ITCH: variants seen among roughly 807,000 people sequenced by gnomAD.
The protein encoded by ITCH is E3 ubiquitin-protein ligase Itchy homolog.
Under a neutral mutation model 126.8 loss-of-function variants are expected in ITCH, and 28 were observed. That is an observed-to-expected ratio of 0.22 (90% CI 0.16 to 0.30). ITCH has a LOEUF of 0.30. Ranked by LOEUF, ITCH falls within the 10% of genes least tolerant of loss-of-function variation. The pLI is 1.00. For synonymous variants in ITCH, 342 were observed against 340.0 expected (o/e 1.01, Z -0.06); for missense variants, 631 against 1,032.4 (o/e 0.61, Z 5.33).
At chr20:34,458,432 G>A (rs1001956385) in intron 13 of ITCH, among the ~76,000 whole-genome samples, 1 of 152,194 alleles carries the variant, frequency 6.6e-6, no homozygotes, top group Non-Finnish European at 1.5e-5. Context: ...CTCCTGAGTA[G>A]CTGGGATTAC....
intron 12 of ITCH, among the ~76,000 whole-genome samples, chr20:34,455,546 T>G (rs1985805132): frequency 6.6e-6 from 1 of 151,322 alleles, no homozygotes; most frequent in African/African-American, 2.4e-5. Flanking sequence ...CACTGTAACC[T>G]CTGCGTCCCG....
At position 34,479,881 on chromosome 20, in the gene ITCH, G is replaced by T. The variant is rs182215588; in HGVS notation, c.1818+92G>T. ...CATAACAGATCATATGAGAGAAAGG[G>T]AAGTGGTTTTTTGTTTTGTTTTGTT... is the stretch of plus-strand genomic sequence containing the variant. On this transcript the variant is annotated intron_variant, in intron 18 of 24. Transcript: ENST00000374864. 8.8e-4 allele frequency: 1,033 copies of T among 1,173,358 alleles called. 2 individuals are homozygous for T. Among genetic ancestry groups the T allele is most frequent in the Admixed American group, 1.5e-3 (85 of 57,060 alleles). The allele number at this position is 1,173,358 out of a possible 1,614,324, so 72.7% of individuals were successfully genotyped here.
intron 14 of ITCH, among the ~76,000 whole-genome samples, chr20:34,463,633 A>AT (rs911034893): frequency 1.4e-5 from 2 of 146,208 alleles, no homozygotes; most frequent in African/African-American, 2.5e-5. Context: ...TCATCATCAT[A>AT]TTTTTTTTTA....
intron 2 of ITCH, among the ~76,000 whole-genome samples, chr20:34,391,055 G>A (rs947936285): frequency 2.6e-5 from 4 of 152,198 alleles, no homozygotes; most frequent in African/African-American, 9.6e-5. Context: ...GCCCGGCCTA[G>A]ATTTAATCAT....
At chr20:34,444,160 A>T (rs1056638761) in intron 10 of ITCH, among the ~76,000 whole-genome samples, 1 of 152,234 alleles carries the variant, frequency 6.6e-6, no homozygotes, top group Non-Finnish European at 1.5e-5. Context: ...ATAACCAAGC[A>T]GGTAGAAATC....
chr20:34,382,263 T>A (rs1015646253), intron 2 of ITCH, among the ~76,000 whole-genome samples: 3 of 152,172 alleles, frequency 2.0e-5, no homozygotes, highest in Non-Finnish European at 4.4e-5. Flanking sequence ...AAACTCTTAT[T>A]TGTGTCATTT....
At chr20:34,488,735 GA>G (rs535436802) in intron 20 of ITCH, among the ~76,000 whole-genome samples, 88 of 150,514 alleles carry the variant, frequency 5.8e-4, no homozygotes, top group Non-Finnish European at 9.6e-4. Flanking sequence ...CAAAATAAAA[GA>G]AAAAAAAAGA....
In ITCH at chr20:34,413,633, T is replaced by C. The variant is rs1000519026; in HGVS notation, c.338-109T>C. On this transcript the variant is annotated intron_variant, in intron 5 of 24. Transcript: ENST00000374864. ...TAGTTAAACAGTTTATATGCACATATAGTTATATTTTCTCGGACATCACAT... is the reference window on the plus strand; with the variant it reads ...TAGTTAAACAGTTTATATGCACATACAGTTATATTTTCTCGGACATCACAT... 5 of 977,380 alleles carry C rather than the reference T, an allele frequency of 5.1e-6. No individual in the cohort carries two copies. In the East Asian group the frequency reaches 1.0e-4, roughly 20 times the overall value. The allele number at this position is 977,380 out of a possible 1,614,324, so 60.5% of individuals were successfully genotyped here.
chr20:34,385,230 T>TTG (rs2038239405), intron 2 of ITCH, among the ~76,000 whole-genome samples: 1 of 146,444 alleles, frequency 6.8e-6, no homozygotes, highest in African/African-American at 2.5e-5. Flanking sequence ...TGGTTTTTTT[T>TTG]TTTTTTTTTT....
At chr20:34,470,026 G>T (rs370827075) in intron 14 of ITCH, 22 bp from the exon 15 acceptor site, 7 of 1,599,678 alleles carry the variant, frequency 4.4e-6, no homozygotes, top group Non-Finnish European at 6.0e-6. Flanking sequence ...TATATGTCCT[G>T]TTAACCCTTG....
At chr20:34,502,643 G>C (rs1341523284) in intron 23 of ITCH, among the ~76,000 whole-genome samples, 1 of 151,938 alleles carries the variant, frequency 6.6e-6, no homozygotes, top group Non-Finnish European at 1.5e-5. Context: ...CTGGGAGGCG[G>C]AGGTTGTGGT....
intron 23 of ITCH, among the ~76,000 whole-genome samples, chr20:34,501,406 A>C (rs1569009889): frequency 6.6e-6 from 1 of 152,234 alleles, no homozygotes; most frequent in Non-Finnish European, 1.5e-5. Context: ...GTTAGAAGAT[A>C]TACCTAAGAA....
Position 34,418,243 on chromosome 20 carries a change from G to C in ITCH, c.475+4364G>C, listed in dbSNP as rs920362117. On this transcript the variant is annotated intron_variant, in intron 6 of 24. Transcript: ENST00000374864. ...GCCTGCCAAAGTGCTGGGTTTATAG[G>C]CACGAACCACCACTCCCGGCCACTT... Among the ~76,000 whole-genome samples, 3 of 152,140 alleles carry C rather than the reference G, an allele frequency of 2.0e-5. No homozygotes were observed. The East Asian group carries it at 5.8e-4, about 29-fold the overall frequency.
chr20:34,385,156 A>G (rs963627374), intron 2 of ITCH, among the ~76,000 whole-genome samples: 4 of 150,012 alleles, frequency 2.7e-5, no homozygotes, highest in Admixed American at 6.7e-5. Flanking sequence ...CTGGGACCAC[A>G]GTAGGCACAT....
At chr20:34,399,346 C>G (rs557268204) in intron 3 of ITCH, among the ~76,000 whole-genome samples, 2 of 150,986 alleles carry the variant, frequency 1.3e-5, no homozygotes, top group African/African-American at 4.9e-5. Context: ...GAGCTGAGAT[C>G]GTGCCATTAC....
intron 12 of ITCH, among the ~76,000 whole-genome samples, chr20:34,455,705 T>A (rs1985832529): frequency 6.6e-6 from 1 of 151,532 alleles, no homozygotes; most frequent in Non-Finnish European, 1.5e-5. Flanking sequence ...CTTGAACTCC[T>A]GAGCTCAGGC....
At chr20:34,420,883 A>G (rs1006490922) in intron 6 of ITCH, among the ~76,000 whole-genome samples, 3 of 152,154 alleles carry the variant, frequency 2.0e-5, no homozygotes, top group Non-Finnish European at 2.9e-5. Context: ...TGCTTCTGCT[A>G]GTTGCTAGGG....
intron 3 of ITCH, chr20:34,402,617 G>T (rs1277371310): frequency 4.8e-6 from 3 of 619,094 alleles, no homozygotes; most frequent in East Asian, 6.4e-5. Flanking sequence ...AAAACAGTTG[G>T]TACATATTCT....
chr20:34,378,561 T>C (rs897787554), intron 2 of ITCH, among the ~76,000 whole-genome samples: 5 of 149,036 alleles, frequency 3.4e-5, no homozygotes, highest in Non-Finnish European at 7.4e-5. Flanking sequence ...ATAAAAATAC[T>C]GAACTGGGCC....
Sources: gnomAD v4.1 joint callset for allele counts (sites outside exome capture counted in the v4.1 genomes callset) on GRCh38, gnomAD v4.1.1 for gene constraint, MANE v1.5 for transcripts, NCBI Gene and HGNC (gene_info 2026-07-23, HGNC 2026-07-21) for gene names.